Variants in PHF2 observed in about 807,000 individuals in gnomAD.
The protein encoded by PHF2 is PHD finger protein 2, also known as lysine-specific demethylase PHF2.
PHF2 carries 27 observed loss-of-function variants against 120.5 expected under a neutral mutation model. The observed-to-expected ratio is 0.22, with a 90% CI of 0.17 to 0.31. PHF2 has a LOEUF of 0.31. PHF2 is among the 10% of genes least tolerant of loss of function. The probability of loss-of-function intolerance (pLI) is 1.00; values close to 1 mark genes in which losing one functional copy is unlikely to be tolerated. For synonymous variants in PHF2, 568 were observed against 592.5 expected (o/e 0.96, Z 0.60); for missense variants, 1,024 against 1,434.8 (o/e 0.71, Z 4.63).
intron 1 of PHF2, among the ~76,000 whole-genome samples, chr9:93,609,751 A>G (rs1360844241): frequency 6.6e-6 from 1 of 151,864 alleles, no homozygotes; most frequent in African/African-American, 2.4e-5. Context: ...CACCCAGTCT[A>G]GAGTGCAGTG....
At chr9:93,644,536 G>T (rs1343550094) in intron 3 of PHF2, among the ~76,000 whole-genome samples, 1 of 152,148 alleles carries the variant, frequency 6.6e-6, no homozygotes, top group Admixed American at 6.5e-5. Context: ...CCGCGTCAGA[G>T]GCCTTGGGTG....
rs190264947 is a variant in PHF2 at position 93,633,845 on chromosome 9, G to A, written c.185-2566G>A. On this transcript the variant is annotated intron_variant, in intron 2 of 21. Transcript: ENST00000359246. ...ACCCTGCCAGCAGTGCTGGGCCCCTGCTGGCTCCCCTCCGTGGCACCCTGT... is the reference window on the plus strand; with the variant it reads ...ACCCTGCCAGCAGTGCTGGGCCCCTACTGGCTCCCCTCCGTGGCACCCTGT... Among the ~76,000 whole-genome samples the A allele has an allele frequency of 2.2e-3, 342 of 152,280 alleles. 1 individual carries two copies. The highest frequency in any genetic ancestry group is 7.7e-3 in the African/African-American group (321 of 41,556).
At chr9:93,620,494 G>A (rs1361224836) in intron 1 of PHF2, among the ~76,000 whole-genome samples, 1 of 152,236 alleles carries the variant, frequency 6.6e-6, no homozygotes, top group African/African-American at 2.4e-5. Context: ...GCAAGATGTG[G>A]CTGCTTGCCT....
rs750162928 is a variant in PHF2, at chr9:93,676,680, T to C, written c.2919T>C (p.Ser973=). ...TTSPSTSTSI[S]AGTTSTSTTP... is the part of the protein sequence containing the mutation. Reference sequence around the variant, plus strand: ...CCCCTTCCACCTCCACCTCCATCTCTGCCGGCACCACCTCCACCTCCACCA... The same window carrying C: ...CCCCTTCCACCTCCACCTCCATCTCCGCCGGCACCACCTCCACCTCCACCA... The change falls in exon 21 of 22, where the codon TCT becomes TCC. Residue 973 remains serine, a synonymous_variant. Transcript: ENST00000359246. The C allele has an allele frequency of 6.3e-6, 10 of 1,578,462 alleles. No homozygotes were observed. Among genetic ancestry groups the C allele is most frequent in the Non-Finnish European group, 8.6e-6 (10 of 1,161,944 alleles).
chr9:93,630,076 G>A (rs779940824), intron 2 of PHF2, 21 bp downstream of exon 2: 7 of 1,609,856 alleles, frequency 4.3e-6, no homozygotes, highest in South Asian at 1.1e-5. Context: ...CAGCCCAAGC[G>A]GCCATCTCTT....
At chr9:93,604,206 G>T (rs1247235267) in intron 1 of PHF2, among the ~76,000 whole-genome samples, 1 of 152,166 alleles carries the variant, frequency 6.6e-6, no homozygotes, top group African/African-American at 2.4e-5. Flanking sequence ...CTGGGCAAGG[G>T]TGGCATAGTG....
chr9:93,579,688 G>A (rs1325443981), intron 1 of PHF2, among the ~76,000 whole-genome samples: 1 of 152,236 alleles, frequency 6.6e-6, no homozygotes, highest in African/African-American at 2.4e-5. Flanking sequence ...AACTGTTAGA[G>A]TAAAATGCCT....
intron 3 of PHF2, among the ~76,000 whole-genome samples, chr9:93,638,146 A>C (rs2131664721): frequency 6.7e-6 from 1 of 148,350 alleles, no homozygotes; most frequent in Admixed American, 6.8e-5. Context: ...TTTGTTATTG[A>C]GTTTAAAAGT....
intron 1 of PHF2, among the ~76,000 whole-genome samples, chr9:93,589,886 GC>G (rs1447207646): frequency 6.6e-6 from 1 of 152,120 alleles, no homozygotes; most frequent in Non-Finnish European, 1.5e-5. Context: ...ATGTGATTCT[GC>G]AGTGACCCTG....
chr9:93,671,030 T>C lies in PHF2; in HGVS notation c.2349-2555T>C, dbSNP rs577871717. 1.0e-4 allele frequency: 101 copies of C among 973,234 alleles called. No individual in the cohort carries two copies. In the South Asian group the frequency reaches 4.3e-3, roughly 42 times the overall value. 60.3% of individuals were successfully genotyped at this position (973,234 alleles called of 1,614,324 possible). A position where few individuals can be genotyped will look rare whatever the true frequency, so the allele number is the denominator to read the frequency against. The stretch of plus-strand genomic sequence containing the variant: ...AGCTGCAGGTCTATGTTCAGGTGGG[T>C]GCAGGTGTGGGGGTAGGTGCAGGTG... On this transcript the variant is annotated intron_variant, in intron 17 of 21. Coordinates refer to ENST00000359246, the MANE Select transcript of PHF2 (RefSeq NM_005392.4).
intron 1 of PHF2, among the ~76,000 whole-genome samples, chr9:93,583,365 A>G (rs7033089): frequency 0.02 from 3,059 of 152,336 alleles, 99 homozygotes; most frequent in African/African-American, 0.069. Context: ...TGGTGCTGCT[A>G]TAAACATTTG....
At chr9:93,582,508 C>G (rs1420064345) in intron 1 of PHF2, among the ~76,000 whole-genome samples, 1 of 152,192 alleles carries the variant, frequency 6.6e-6, no homozygotes, top group Non-Finnish European at 1.5e-5. Context: ...TCTCTGTCCC[C>G]TAACTTCTGC....
chr9:93,654,707 C>G (rs1009146170), intron 7 of PHF2, 132 bp downstream of exon 7: 1 of 883,940 alleles, frequency 1.1e-6, no homozygotes, highest in Non-Finnish European at 1.8e-6. Flanking sequence ...CTCCCTTGTC[C>G]TGAGCATATG....
Position 93,677,511 on chromosome 9 carries a change from TC to T in PHF2, c.3203-70del, listed in dbSNP as rs1276939749. On this transcript the variant is annotated intron_variant, in intron 21 of 21. Transcript: ENST00000359246. This position sits in a 1 kb window ranked among gnomAD's most constrained non-coding sequence, Gnocchi z 4.4. ...CTGCCCCTTAGTGTCAGCGGGACCCTCCCCCCCACCGGCATGCCACGCCCCT... is the reference window on the plus strand; with the variant it reads ...CTGCCCCTTAGTGTCAGCGGGACCCTCCCCCCACCGGCATGCCACGCCCCT... 4.9e-5 allele frequency: 52 copies of T among 1,057,298 alleles called. No individual in the cohort carries two copies. The highest frequency in any genetic ancestry group is 6.7e-5 in the Non-Finnish European group (46 of 690,282). 65.5% of individuals were successfully genotyped at this position (1,057,298 alleles called of 1,614,324 possible).
Position 93,645,763 on chromosome 9 carries a change from A to G in PHF2, c.434A>G (p.Tyr145Cys). Residue 145 changes from tyrosine (Y) to cysteine (C), a missense_variant, in exon 4 of 22, where the codon TAT becomes TGT. Tyr to Cys is a radical substitution (Grantham distance 194, BLOSUM62 -2). Coordinates refer to ENST00000359246, the MANE Select transcript of PHF2 (RefSeq NM_005392.4). Reference sequence around the variant, plus strand: ...CTGGCTGTCCCGGCCCCCACGTTCTATGTCAGTGACGTCGAGAACTACGTG... The same window carrying G: ...CTGGCTGTCCCGGCCCCCACGTTCTGTGTCAGTGACGTCGAGAACTACGTG... ...LGLAVPAPTF[Y>C]VSDVENYVGP... 6.2e-7 allele frequency: 1 copy of G among 1,605,922 alleles called. No individual in the cohort carries two copies. The highest frequency in any genetic ancestry group is 8.5e-7 in the Non-Finnish European group (1 of 1,176,442).
At chr9:93,577,924 C>T (rs1178416286) in intron 1 of PHF2, among the ~76,000 whole-genome samples, 1 of 152,178 alleles carries the variant, frequency 6.6e-6, no homozygotes, top group African/African-American at 2.4e-5. Flanking sequence ...CCGGGGCTGG[C>T]CAGGGCTGTA....
intron 5 of PHF2, 129 bp from the exon 6 acceptor site, chr9:93,653,050 G>T: frequency 1.3e-6 from 1 of 754,248 alleles, no homozygotes; most frequent in Non-Finnish European, 2.1e-6. Context: ...TGTGAAATGG[G>T]AGCTGTGACC....
chr9:93,630,119 T>G, intron 2 of PHF2, 64 bp downstream of exon 2: 1 of 1,500,350 alleles, frequency 6.7e-7, no homozygotes, highest in South Asian at 1.1e-5. Flanking sequence ...CTGCCTGGGC[T>G]GCGTGGAGGG....
intron 1 of PHF2, among the ~76,000 whole-genome samples, chr9:93,593,084 C>CAAAAA (rs200919035): frequency 1.2e-5 from 1 of 83,378 alleles, no homozygotes; most frequent in Non-Finnish European, 2.4e-5. Context: ...TCCTTTATGC[C>CAAAAA]AAAAAAAAAA....
Sources: gnomAD v4.1 joint callset for allele counts (sites outside exome capture counted in the v4.1 genomes callset) on GRCh38, gnomAD v4.1.1 for gene constraint, Gnocchi (gnomAD v3.1) non-coding constraint, MANE v1.5 for transcripts, NCBI Gene and HGNC (gene_info 2026-07-23, HGNC 2026-07-21) for gene names.